Variants in EFCAB8 observed in about 807,000 individuals in gnomAD.
The protein encoded by EFCAB8 is EF-hand calcium-binding domain-containing protein 8.
In EFCAB8, 100 loss-of-function variants were observed where a neutral mutation model predicts 116.3. That is an observed-to-expected ratio of 0.86 (90% CI 0.73 to 1.02). The LOEUF (loss-of-function observed/expected upper bound fraction) is 1.02, where lower values mean the gene tolerates loss of function less well. Ranked by LOEUF, EFCAB8 falls within the 50% of genes least tolerant of loss-of-function variation. EFCAB8 has a pLI of 0.00. For missense variants in EFCAB8, 1,320 were observed against 1,416.9 expected, an observed-to-expected ratio of 0.93 and a Z score of 1.10; for synonymous variants, 558 against 567.9, an observed-to-expected ratio of 0.98 and a Z score of 0.25.
intron 22 of EFCAB8, among the ~76,000 whole-genome samples, chr20:32,939,187 CTTTCTTTCTTTCTTT>C (rs1988287794): frequency 3.0e-5 from 2 of 67,608 alleles, no homozygotes; most frequent in African/African-American, 6.9e-5. Context: ...TTCTTTCTTT[CTTTCTTTCTTTCTTT>C]CCTCTCTCTC....
Position 32,961,493 on chromosome 20 carries a change from A to C in EFCAB8, c.3751A>C (p.Thr1251Pro), listed in dbSNP as rs1989151850. 4 of 1,444,902 alleles carry C rather than the reference A, an allele frequency of 2.8e-6. No homozygotes were observed. The highest frequency in any genetic ancestry group is 3.7e-6 in the Non-Finnish European group (4 of 1,095,460). The allele number at this position is 1,444,902 out of a possible 1,614,324, so 89.5% of individuals were successfully genotyped here. Reference protein sequence around the residue: ...PSVPSPVSKSTLQGSVTPKHI... With the variant: ...PSVPSPVSKSPLQGSVTPKHI... Reference sequence around the variant, plus strand: ...GGTCCCATCCCCGGTGTCCAAGTCCACCCTGCAGGGGTCAGTGACCCCCAA... The same window carrying C: ...GGTCCCATCCCCGGTGTCCAAGTCCCCCCTGCAGGGGTCAGTGACCCCCAA... Residue 1251 changes from threonine to proline, a missense_variant, in exon 27 of 27, where the codon ACC becomes CCC. Physicochemically the swap from Thr to Pro is conservative, Grantham distance 38 (BLOSUM62 -1). Coordinates refer to ENST00000400522, the MANE Select transcript of EFCAB8 (RefSeq NM_001143967.2).
chr20:32,861,757 T>A (rs1984127161), intron 1 of EFCAB8, among the ~76,000 whole-genome samples: 2 of 152,194 alleles, frequency 1.3e-5, no homozygotes, highest in Admixed American at 1.3e-4. Context: ...AACCCTTTTT[T>A]AATTAAAATA....
intron 11 of EFCAB8, 130 bp downstream of exon 11, chr20:32,898,753 T>C (rs6058949): frequency 0.41 from 252,365 of 608,596 alleles, 56,687 homozygotes; most frequent in Middle Eastern, 0.5. Flanking sequence ...TTTCCAGCAT[T>C]GCCAGCAGCA....
chr20:32,931,438 A>G (rs1987906499), intron 22 of EFCAB8, 102 bp downstream of exon 22: 1 of 1,363,882 alleles, frequency 7.3e-7, no homozygotes, highest in Admixed American at 3.3e-5. Context: ...ACACTTACTA[A>G]AAGATAAGAG....
intron 11 of EFCAB8, among the ~76,000 whole-genome samples, chr20:32,899,537 C>T (rs2146223948): frequency 6.6e-6 from 1 of 152,256 alleles, no homozygotes; most frequent in East Asian, 1.9e-4. Context: ...ATCGCCATTC[C>T]CTGACCCAGT....
intron 22 of EFCAB8, among the ~76,000 whole-genome samples, chr20:32,938,825 T>C (rs1179473078): frequency 6.7e-6 from 1 of 149,976 alleles, no homozygotes; most frequent in Non-Finnish European, 1.5e-5. Context: ...GAAGACTGGA[T>C]GTTGTTAATA....
At chr20:32,943,891 T>G (rs1238593002) in intron 23 of EFCAB8, 87 bp downstream of exon 23, 1 of 412,606 alleles carries the variant, frequency 2.4e-6, no homozygotes. Context: ...AACTTTGTAC[T>G]CTGTGGGGAG....
intron 22 of EFCAB8, among the ~76,000 whole-genome samples, chr20:32,939,942 G>A (rs1401059250): frequency 3.4e-5 from 5 of 145,754 alleles, no homozygotes; most frequent in South Asian, 2.2e-4. Context: ...TGATCCACTC[G>A]CCTCAGCCTC....
intron 22 of EFCAB8, among the ~76,000 whole-genome samples, chr20:32,940,751 G>A (rs60272352): frequency 0.035 from 5,283 of 149,792 alleles, 685 homozygotes; most frequent in African/African-American, 0.12. Context: ...TAAGATACGG[G>A]TAAAGGATCT....
At chr20:32,938,976 TTTCCTTCCCTTCCTTCC>T (rs1988231998) in intron 22 of EFCAB8, among the ~76,000 whole-genome samples, 1 of 129,100 alleles carries the variant, frequency 7.7e-6, no homozygotes, top group African/African-American at 3.2e-5. Context: ...TTTTCTTTCT[TTTCCTTCCCTTCCTTCC>T]TTCCTTCCCT....
chr20:32,859,051 TACCTCTGCTGAAG>T, intron 1 of EFCAB8, 45 bp downstream of exon 1: 1 of 471,150 alleles, frequency 2.1e-6, no homozygotes, highest in South Asian at 1.5e-5. Context: ...AAAGATTGGA[TACCTCTGCTGAAG>T]ACCTCTGCCT....
At chr20:32,875,252 T>G (rs1330643122) in intron 3 of EFCAB8, among the ~76,000 whole-genome samples, 2 of 152,052 alleles carry the variant, frequency 1.3e-5, no homozygotes, top group Non-Finnish European at 2.9e-5. Flanking sequence ...GATAACCATG[T>G]GAGGACAGAA....
Position 32,908,322 on chromosome 20 carries a change from C to T in EFCAB8, c.1356C>T (p.Phe452=), listed in dbSNP as rs571888087. ...DMLDYICLQS[F]CGKFFALGNC... ...TGGACTACATATGCCTCCAGTCCTT[C>T]TGTGGGAAGTTTTTTGCTCTGGGAA... Residue 452 remains phenylalanine (F), a synonymous_variant, in exon 14 of 27, where the codon TTC becomes TTT. Transcript: ENST00000400522. 1 of 1,249,972 alleles carries T rather than the reference C, an allele frequency of 8.0e-7. No individual in the cohort carries two copies. Among genetic ancestry groups the T allele is most frequent in the African/African-American group, 1.5e-5 (1 of 64,610 alleles). The allele number at this position is 1,249,972 out of a possible 1,614,324, so 77.4% of individuals were successfully genotyped here. A position where few individuals can be genotyped will look rare whatever the true frequency, so the allele number is the denominator to read the frequency against.
chr20:32,929,729 T>C (rs1987821308), intron 20 of EFCAB8, among the ~76,000 whole-genome samples: 1 of 152,122 alleles, frequency 6.6e-6, no homozygotes, highest in African/African-American at 2.4e-5. Context: ...GTGAGGAAGC[T>C]TCCAATTTCC....
At position 32,862,027 on chromosome 20, in the gene EFCAB8, TCTC is replaced by T. The variant is rs764029918; in HGVS notation, c.-10-1753_-10-1751del. Among the ~76,000 whole-genome samples the T allele has an allele frequency of 3.9e-5, 6 of 152,272 alleles. No individual in the cohort carries two copies. In the East Asian group the frequency reaches 9.6e-4, roughly 24 times the overall value. On this transcript the variant is annotated intron_variant, in intron 1 of 26. Transcript: ENST00000400522. Reference sequence around the variant, plus strand: ...CTTAGGTCACTTTGTAGCGTCCCATTCTCCTAGCTGTCTTGTGTGTTTCTCCCT... The same window carrying T: ...CTTAGGTCACTTTGTAGCGTCCCATTCTAGCTGTCTTGTGTGTTTCTCCCT...
In EFCAB8 at chr20:32,867,699, C is replaced by A; in HGVS notation, c.160C>A (p.Leu54Met). The change falls in exon 3 of 27, where the codon CTG becomes ATG. Residue 54 changes from leucine to methionine, a missense_variant. Physicochemically the swap from Leu to Met is conservative, Grantham distance 15. Transcript: ENST00000400522. ...PGSQLFTEIH[L>M]AKIEKMFEED... is the part of the protein sequence containing the mutation. ...GTCCCAGCTGTTTACTGAGATACAC[C>A]TGGCCAAGATAGAGAAAATGTTTGA... The A allele has an allele frequency of 6.4e-7, 1 of 1,551,662 alleles. No individual in the cohort carries two copies. Among genetic ancestry groups the A allele is most frequent in the Non-Finnish European group, 8.7e-7 (1 of 1,146,986 alleles).
chr20:32,958,346 G>T (rs772462424), intron 23 of EFCAB8, 75 bp from the exon 24 acceptor site: 2 of 414,168 alleles, frequency 4.8e-6, no homozygotes, highest in Non-Finnish European at 4.4e-6. Flanking sequence ...CCCTTGAAGG[G>T]AGAGGATAAG....
chr20:32,889,450 A>T, intron 7 of EFCAB8, 44 bp downstream of exon 7: 1 of 1,524,252 alleles, frequency 6.6e-7, no homozygotes, highest in Non-Finnish European at 8.9e-7. Flanking sequence ...AGCCACTGGG[A>T]GCCATGCATT....
intron 3 of EFCAB8, 75 bp downstream of exon 3, chr20:32,867,822 A>T: frequency 6.8e-7 from 1 of 1,466,968 alleles, no homozygotes; most frequent in South Asian, 1.4e-5. Context: ...GGGTGTGTGG[A>T]GGGTTCAGAC....
Sources: allele counts gnomAD v4.1 joint callset (sites outside exome capture counted in the v4.1 genomes callset), GRCh38; gene constraint gnomAD v4.1.1; transcripts MANE v1.5; gene names NCBI Gene and HGNC (gene_info 2026-07-23, HGNC 2026-07-21).